The following MCHR1 variants were observed in gnomAD, a reference collection of about 807,000 sequenced individuals.
The protein encoded by MCHR1 is melanin concentrating hormone receptor 1.
MCHR1 carries 13 observed loss-of-function variants against 20.4 expected under a neutral mutation model. The observed-to-expected ratio is 0.64, with a 90% CI of 0.41 to 1.01. The LOEUF (loss-of-function observed/expected upper bound fraction) is 1.01. Among genes scored for constraint, MCHR1 ranks in the 50% least tolerant of loss-of-function variants. The probability of loss-of-function intolerance (pLI) is 0.00; values close to 1 mark genes in which losing one functional copy is unlikely to be tolerated. For missense variants in MCHR1, 472 were observed against 477.0 expected (o/e 0.99, Z 0.10); for synonymous variants, 215 against 204.4 (o/e 1.05, Z -0.44).
At position 40,680,994 on chromosome 22, in the gene MCHR1, T is replaced by A; in HGVS notation, c.128T>A (p.Met43Lys). 1 of 1,614,180 alleles carries A rather than the reference T, an allele frequency of 6.2e-7. No homozygotes were observed. The highest frequency in any genetic ancestry group is 1.1e-5 in the South Asian group (1 of 91,086). ...AGCATCTCCTACATCAACATCATCA[T>A]GCCTTCGGTGTTCGGCACCATCTGC... ...TGSISYINII[M>K]PSVFGTICLL... The change falls in exon 2 of 2, where the codon ATG becomes AAG. Residue 43 changes from methionine to lysine, a missense_variant. Coordinates refer to ENST00000249016, the MANE Select transcript of MCHR1 (RefSeq NM_005297.4).
intron 1 of MCHR1, 159 bp from the exon 2 acceptor site, chr22:40,680,790 G>T: frequency 1.0e-6 from 1 of 984,894 alleles, no homozygotes; most frequent in Non-Finnish European, 1.2e-6. Flanking sequence ...CATGGAGAAG[G>T]GAAAAGGGAC....
In MCHR1 at chr22:40,679,605, G is replaced by A; in HGVS notation, c.-48G>A. 1 of 1,614,044 alleles carries A rather than the reference G, an allele frequency of 6.2e-7. No individual in the cohort carries two copies. The highest frequency in any genetic ancestry group is 8.5e-7 in the Non-Finnish European group (1 of 1,179,972). ...GAGGCTGCCGCAGCCTGCGTGGGTGGAGGGGAGCTCAGCTCGGTTGTGGGA... is the reference window on the plus strand; with the variant it reads ...GAGGCTGCCGCAGCCTGCGTGGGTGAAGGGGAGCTCAGCTCGGTTGTGGGA... On this transcript the variant is annotated 5_prime_UTR_variant, in exon 1 of 2. Coordinates refer to ENST00000249016, the MANE Select transcript of MCHR1 (RefSeq NM_005297.4).
chr22:40,680,643 TG>T, intron 1 of MCHR1: 1 of 409,642 alleles, frequency 2.4e-6, no homozygotes, highest in Non-Finnish European at 3.3e-6. Context: ...CGAGTTTTCC[TG>T]GTGAAGCCCG....
In MCHR1 at chr22:40,681,927, G is replaced by C; in HGVS notation, c.1061G>C (p.Ter354SerextTer38). The C allele has an allele frequency of 6.2e-7, 1 of 1,605,188 alleles. No individual in the cohort carries two copies. Among genetic ancestry groups the C allele is most frequent in the Non-Finnish European group, 8.5e-7 (1 of 1,179,994 alleles). ...DEERTESKGT[*>S] ...GAGAGGACAGAAAGCAAAGGCACCTGATACTTCCCCTGCCACCCTGCACAC... is the reference window on the plus strand; with the variant it reads ...GAGAGGACAGAAAGCAAAGGCACCTCATACTTCCCCTGCCACCCTGCACAC... Residue 354 changes from the stop codon to serine (S), a stop_lost, in exon 2 of 2, where the codon TGA becomes TCA. Coordinates refer to ENST00000249016, the MANE Select transcript of MCHR1 (RefSeq NM_005297.4). The surrounding 1 kb of genome is among the most constrained non-coding windows in gnomAD (Gnocchi z 4.3).
rs1025398112 is a variant in MCHR1, at chr22:40,682,224, T to C, written c.*296T>C. The C allele has an allele frequency of 2.4e-5, 11 of 452,078 alleles. No homozygotes were observed. The highest frequency in any genetic ancestry group is 1.5e-4 in the South Asian group (7 of 45,978). 28.0% of individuals were successfully genotyped at this position (452,078 alleles called of 1,614,324 possible). On this transcript the variant is annotated 3_prime_UTR_variant, in exon 2 of 2. Coordinates refer to ENST00000249016, the MANE Select transcript of MCHR1 (RefSeq NM_005297.4). ...TTTGGATAACCGGTTGCACTATATCTGTGAGCTCTCAAATGTCTTCTTCCC... is the reference window on the plus strand; with the variant it reads ...TTTGGATAACCGGTTGCACTATATCCGTGAGCTCTCAAATGTCTTCTTCCC...
intron 1 of MCHR1, 191 bp from the exon 2 acceptor site, chr22:40,680,758 T>C (rs895482651): frequency 1.2e-4 from 119 of 985,188 alleles, no homozygotes; most frequent in Non-Finnish European, 1.4e-4. Flanking sequence ...CAGGGCACTC[T>C]GGTAGGATTC....
chr22:40,681,505 T>G lies in MCHR1; in HGVS notation c.639T>G (p.Phe213Leu), dbSNP rs1396334260. ...TCTACTGGTTCACCCTGTACCAGTT[T>G]TTCCTGGCCTTTGCCCTGCCTTTTG... ...TDLYWFTLYQFFLAFALPFVV... is the reference protein window; with the variant it reads ...TDLYWFTLYQLFLAFALPFVV... The change falls in exon 2 of 2, where the codon TTT becomes TTG. Residue 213 changes from phenylalanine to leucine, a missense_variant. Transcript: ENST00000249016. The surrounding 1 kb of genome is among the most constrained non-coding windows in gnomAD (Gnocchi z 4.3). The G allele has an allele frequency of 6.2e-7, 1 of 1,612,358 alleles. No individual in the cohort carries two copies. Among genetic ancestry groups the G allele is most frequent in the Non-Finnish European group, 8.5e-7 (1 of 1,180,038 alleles).
intron 1 of MCHR1, chr22:40,680,129 G>C (rs865804897): frequency 5.8e-6 from 2 of 343,820 alleles, no homozygotes. Flanking sequence ...CCACTTGGAT[G>C]ATGAGGTCTG....
chr22:40,680,009 C>T (rs1197268697), intron 1 of MCHR1: 2 of 533,962 alleles, frequency 3.7e-6, no homozygotes, highest in Non-Finnish European at 6.8e-6. Flanking sequence ...TCCAAAGATG[C>T]TTGGCAGAAA....
rs778826311 is a variant in MCHR1, at chr22:40,681,081, A to C, written c.215A>C (p.His72Pro). The C allele has an allele frequency of 6.2e-6, 10 of 1,613,934 alleles. No homozygotes were observed. The highest frequency in any genetic ancestry group is 8.5e-6 in the Non-Finnish European group (10 of 1,179,984). Reference protein sequence around the residue: ...IFAVVKKSKLHWCNNVPDIFI... With the variant: ...IFAVVKKSKLPWCNNVPDIFI... ...GCGGTCGTGAAGAAGTCCAAGCTGC[A>C]CTGGTGCAACAACGTCCCCGACATC... is the stretch of plus-strand genomic sequence containing the variant. The change falls in exon 2 of 2, where the codon CAC becomes CCC. Residue 72 changes from histidine to proline, a missense_variant. Transcript: ENST00000249016. This position sits in a 1 kb window ranked among gnomAD's most constrained non-coding sequence, Gnocchi z 4.3.
At chr22:40,680,574 A>G (rs80295110) in intron 1 of MCHR1, among the ~76,000 whole-genome samples, 2,392 of 101,604 alleles carry the variant, frequency 0.024, 58 homozygotes, top group African/African-American at 0.075. Context: ...AAAAGCACGC[A>G]CACACACACA....
Position 40,682,043 on chromosome 22 carries a change from G to C in MCHR1, c.*115G>C. The C allele has an allele frequency of 7.3e-7, 1 of 1,364,816 alleles. No homozygotes were observed. 84.5% of individuals were successfully genotyped at this position (1,364,816 alleles called of 1,614,324 possible). On this transcript the variant is annotated 3_prime_UTR_variant, in exon 2 of 2. Coordinates refer to ENST00000249016, the MANE Select transcript of MCHR1 (RefSeq NM_005297.4). ...GAAATGCAGGAAGGCCGGGTTGTGAGGGGTTGTTGCAATGAAATAAATACA... is the reference window on the plus strand; with the variant it reads ...GAAATGCAGGAAGGCCGGGTTGTGACGGGTTGTTGCAATGAAATAAATACA...
At position 40,679,663 on chromosome 22, in the gene MCHR1, A is replaced by G; in HGVS notation, c.11A>G (p.Glu4Gly). 3 of 1,614,080 alleles carry G rather than the reference A, an allele frequency of 1.9e-6. No homozygotes were observed. Among genetic ancestry groups the G allele is most frequent in the Non-Finnish European group, 2.5e-6 (3 of 1,180,008 alleles). ...ACCGGCACTGGCTGGATGGACCTGG[A>G]AGCCTCGCTGCTGCCCACTGGTCCC... MDL[E>G]ASLLPTGPNA... The change falls in exon 1 of 2, where the codon GAA becomes GGA. Residue 4 changes from glutamate to glycine, a missense_variant. Glu to Gly is a moderately conservative substitution (Grantham distance 98). Transcript: ENST00000249016.
intron 1 of MCHR1, chr22:40,680,088 C>G: frequency 2.5e-6 from 1 of 393,764 alleles, no homozygotes; most frequent in South Asian, 2.2e-5. Context: ...TGGGGGCTCA[C>G]TCCTGCACTG....
At position 40,681,651 on chromosome 22, in the gene MCHR1, G is replaced by C. The variant is rs1260635617; in HGVS notation, c.785G>C (p.Cys262Ser). 1.2e-6 allele frequency: 2 copies of C among 1,614,150 alleles called. No individual in the cohort carries two copies. Among genetic ancestry groups the C allele is most frequent in the Non-Finnish European group, 1.7e-6 (2 of 1,180,062 alleles). The change falls in exon 2 of 2, where the codon TGT becomes TCT. Residue 262 changes from cysteine (C) to serine (S), a missense_variant. Physicochemically the swap from Cys to Ser is moderately radical, Grantham distance 112. Transcript: ENST00000249016. This position sits in a 1 kb window ranked among gnomAD's most constrained non-coding sequence, Gnocchi z 4.3. Reference protein sequence around the residue: ...KRVTRTAIAICLVFFVCWAPY... With the variant: ...KRVTRTAIAISLVFFVCWAPY... The stretch of plus-strand genomic sequence containing the variant: ...GTGACCCGCACAGCCATCGCCATCT[G>C]TCTGGTCTTCTTTGTGTGCTGGGCA...
chr22:40,680,590 A>G (rs1301127627), intron 1 of MCHR1, among the ~76,000 whole-genome samples: 1 of 117,658 alleles, frequency 8.5e-6, no homozygotes, highest in Non-Finnish European at 2.0e-5. Context: ...ACACACACAC[A>G]CATACACAGA....
rs146854035 is a variant in MCHR1 at position 40,681,410 on chromosome 22, G to A, written c.544G>A (p.Ala182Thr). The A allele has an allele frequency of 1.2e-6, 2 of 1,614,134 alleles. No homozygotes were observed. Among genetic ancestry groups the A allele is most frequent in the Non-Finnish European group, 1.7e-6 (2 of 1,180,052 alleles). ...FISITPVWLYARLIPFPGGAV... is the reference protein window; with the variant it reads ...FISITPVWLYTRLIPFPGGAV... ...CAGCATCACCCCTGTGTGGCTGTAT[G>A]CCAGACTCATCCCCTTCCCAGGAGG... The change falls in exon 2 of 2, where the codon GCC becomes ACC. Residue 182 changes from alanine (A) to threonine (T), a missense_variant. Ala to Thr is a moderately conservative substitution (Grantham distance 58). Coordinates refer to ENST00000249016, the MANE Select transcript of MCHR1 (RefSeq NM_005297.4). This position sits in a 1 kb window ranked among gnomAD's most constrained non-coding sequence, Gnocchi z 4.3.
At chr22:40,680,103 C>T in intron 1 of MCHR1, 1 of 367,414 alleles carries the variant, frequency 2.7e-6, no homozygotes, top group Admixed American at 3.8e-5. Flanking sequence ...GCACTGTTAG[C>T]CTCAGCTTTT....
In MCHR1 at chr22:40,681,349, C is replaced by A. The variant is rs2056879289; in HGVS notation, c.483C>A (p.Thr161=). The part of the protein sequence containing the change: ...STKFRKPSVA[T]LVICLLWALS... ...AGTTCCGGAAGCCCTCTGTGGCCAC[C>A]CTGGTGATCTGCCTCCTGTGGGCCC... The change falls in exon 2 of 2, where the codon ACC becomes ACA. Residue 161 remains threonine, a synonymous_variant. Transcript: ENST00000249016. This position sits in a 1 kb window ranked among gnomAD's most constrained non-coding sequence, Gnocchi z 4.3. 2.5e-6 allele frequency: 4 copies of A among 1,614,242 alleles called. No individual in the cohort carries two copies. The highest frequency in any genetic ancestry group is 2.2e-5 in the East Asian group (1 of 44,884).
Sources: allele counts gnomAD v4.1 joint callset (sites outside exome capture counted in the v4.1 genomes callset), GRCh38; gene constraint gnomAD v4.1.1; non-coding constraint Gnocchi (gnomAD v3.1); transcripts MANE v1.5; gene names NCBI Gene and HGNC (gene_info 2026-07-23, HGNC 2026-07-21).